Variants in SLC40A1 observed in about 807,000 individuals in gnomAD.
SLC40A1 encodes solute carrier family 40 member 1.
In SLC40A1, 16 loss-of-function variants were observed where a neutral mutation model predicts 53.5. That is an observed-to-expected ratio of 0.30 (90% CI 0.20 to 0.45). The LOEUF is 0.45. Ranked by LOEUF, SLC40A1 falls within the 20% of genes least tolerant of loss-of-function variation. The pLI is 1.00. For missense variants in SLC40A1, 545 were observed against 695.4 expected (o/e 0.78, Z 2.43); for synonymous variants, 247 against 253.2 (o/e 0.98, Z 0.23).
At position 189,563,992 on chromosome 2, in the gene SLC40A1, C is replaced by T. The variant is rs1405528868; in HGVS notation, c.994G>A (p.Ala332Thr). ...LGFDCITTGY[A>T]YTQGLSGSIL... Reference sequence around the variant, plus strand: ...GAACCACTCAGTCCCTGAGTGTAGGCGTACCCTGTGGTGATGCAGTCAAAG... The same window carrying T: ...GAACCACTCAGTCCCTGAGTGTAGGTGTACCCTGTGGTGATGCAGTCAAAG... Residue 332 changes from alanine to threonine, a missense_variant, in exon 7 of 8, where the codon GCC becomes ACC. Coordinates refer to ENST00000261024, the MANE Select transcript of SLC40A1 (RefSeq NM_014585.6). 3 of 1,614,010 alleles carry T rather than the reference C, an allele frequency of 1.9e-6. No homozygotes were observed. Among genetic ancestry groups the T allele is most frequent in the South Asian group, 1.1e-5 (1 of 91,070 alleles).
intron 6 of SLC40A1, among the ~76,000 whole-genome samples, chr2:189,564,656 T>C (rs933352820): frequency 9.2e-5 from 14 of 152,160 alleles, no homozygotes; most frequent in African/African-American, 2.6e-4. Flanking sequence ...CTGGCTAACA[T>C]GGTGAAACCC....
At position 189,560,598 on chromosome 2, in the gene SLC40A1, T is replaced by C. The variant is rs1281403314; in HGVS notation, c.*1280A>G. 3 of 152,534 alleles carry C rather than the reference T, an allele frequency of 2.0e-5. No homozygotes were observed. The highest frequency in any genetic ancestry group is 4.4e-5 in the Non-Finnish European group (3 of 68,024). 9.4% of individuals were successfully genotyped at this position (152,534 alleles called of 1,614,324 possible). On this transcript the variant is annotated 3_prime_UTR_variant, in exon 8 of 8. Transcript: ENST00000261024. ...ACAGAATTCAGGAAAAATTAAGATT[T>C]TCAAAATATTTTTATATAGAAATTT...
chr2:189,563,989 A>T lies in SLC40A1; in HGVS notation c.997T>A (p.Tyr333Asn). 1 of 1,614,082 alleles carries T rather than the reference A, an allele frequency of 6.2e-7. No homozygotes were observed. The highest frequency in any genetic ancestry group is 1.1e-5 in the South Asian group (1 of 91,072). The change falls in exon 7 of 8, where the codon TAC becomes AAC. Residue 333 changes from tyrosine to asparagine, a missense_variant. Coordinates refer to ENST00000261024, the MANE Select transcript of SLC40A1 (RefSeq NM_014585.6). ...GFDCITTGYA[Y>N]TQGLSGSILS... ...ATGGAACCACTCAGTCCCTGAGTGT[A>T]GGCGTACCCTGTGGTGATGCAGTCA...
In SLC40A1 at chr2:189,561,991, G is replaced by A. The variant is rs1559009488; in HGVS notation, c.1603C>T (p.His535Tyr). Reference sequence around the variant, plus strand: ...TGGGCAAATCGGAAATACATAATGTGGCCCATTGCCACAAAGGAGACTGAA... The same window carrying A: ...TGGGCAAATCGGAAATACATAATGTAGCCCATTGCCACAAAGGAGACTGAA... ...LISVSFVAMG[H>Y]IMYFRFAQNT... The change falls in exon 8 of 8, where the codon CAC becomes TAC. Residue 535 changes from histidine (H) to tyrosine (Y), a missense_variant. Coordinates refer to ENST00000261024, the MANE Select transcript of SLC40A1 (RefSeq NM_014585.6). The A allele has an allele frequency of 6.2e-7, 1 of 1,614,018 alleles. No individual in the cohort carries two copies. The highest frequency in any genetic ancestry group is 8.5e-7 in the Non-Finnish European group (1 of 1,179,940).
chr2:189,568,925 G>C (rs2031036519), intron 5 of SLC40A1, among the ~76,000 whole-genome samples: 1 of 152,162 alleles, frequency 6.6e-6, no homozygotes, highest in Non-Finnish European at 1.5e-5. Flanking sequence ...GCAATAGATG[G>C]AGTTAAAAAG....
chr2:189,573,136 G>C (rs1386538947), intron 3 of SLC40A1, among the ~76,000 whole-genome samples, 175 bp from the exon 4 acceptor site: 3 of 152,170 alleles, frequency 2.0e-5, no homozygotes, highest in Non-Finnish European at 4.4e-5. Context: ...ATACAACCCA[G>C]AGGATCACAC....
intron 3 of SLC40A1, 141 bp from the exon 4 acceptor site, chr2:189,573,102 T>A (rs577615411): frequency 2.8e-6 from 2 of 722,414 alleles, no homozygotes; most frequent in African/African-American, 3.5e-5. Flanking sequence ...CTTTCTGAAG[T>A]CAGTCCTGCC....
At chr2:189,577,788 AT>A (rs34223632) in intron 2 of SLC40A1, among the ~76,000 whole-genome samples, 4 of 149,894 alleles carry the variant, frequency 2.7e-5, no homozygotes, top group East Asian at 3.9e-4. Flanking sequence ...TAATTTTTAA[AT>A]TTTTTTTTGC....
rs140244052 is a variant in SLC40A1 at position 189,572,635 on chromosome 2, G to A, written c.387+211C>T. ...TTAGAAATGCCATTAGAAACCAATAGGACAAAATTTAAATTCAAACAATAC... is the reference window on the plus strand; with the variant it reads ...TTAGAAATGCCATTAGAAACCAATAAGACAAAATTTAAATTCAAACAATAC... On this transcript the variant is annotated intron_variant, in intron 4 of 7. Transcript: ENST00000261024. 464 of 597,540 alleles carry A rather than the reference G, an allele frequency of 7.8e-4. 8 individuals carry two copies. The East Asian group carries it at 0.012, about 15-fold the overall frequency. The allele number at this position is 597,540 out of a possible 1,614,324, so 37.0% of individuals were successfully genotyped here. A position where few individuals can be genotyped will look rare whatever the true frequency, so the allele number is the denominator to read the frequency against.
chr2:189,561,859 T>G lies in SLC40A1; in HGVS notation c.*19A>C, dbSNP rs372216215. 8.7e-6 allele frequency: 14 copies of G among 1,600,144 alleles called. No individual in the cohort carries two copies. The highest frequency in any genetic ancestry group is 1.7e-4 in the Middle Eastern group (1 of 6,046). On this transcript the variant is annotated 3_prime_UTR_variant, in exon 8 of 8. Transcript: ENST00000261024. ...TGCTCTATATAATCTAGTAACAGGATAGCAACAGTTAAACTGTCTCAAACA... is the reference window on the plus strand; with the variant it reads ...TGCTCTATATAATCTAGTAACAGGAGAGCAACAGTTAAACTGTCTCAAACA...
chr2:189,561,892 T>C lies in SLC40A1; in HGVS notation c.1702A>G (p.Thr568Ala). 1 of 1,613,270 alleles carries C rather than the reference T, an allele frequency of 6.2e-7. No homozygotes were observed. The highest frequency in any genetic ancestry group is 8.5e-7 in the Non-Finnish European group (1 of 1,179,208). Residue 568 changes from threonine (T) to alanine (A), a missense_variant, in exon 8 of 8, where the codon ACA (threonine) becomes GCA (alanine). Physicochemically the swap from Thr to Ala is moderately conservative, Grantham distance 58. This residue lies in a region of SLC40A1 where 234 missense variants were observed against 299.0 expected (regional missense o/e 0.78). Transcript: ENST00000261024. The stretch of plus-strand genomic sequence containing the variant: ...GTTAAACTGTCTCAAACAACAGATG[T>C]ATTTGCTTGATTTTCCTTCCTAACT... ...KEVRKENQAN[T>A]SVV
rs751071442 is a variant in SLC40A1, at chr2:189,576,277, T to C, written c.112-957A>G. Among the ~76,000 whole-genome samples, 27 of 152,294 alleles carry C rather than the reference T, an allele frequency of 1.8e-4. 1 individual carries two copies. The South Asian group carries it at 3.7e-3, about 21-fold the overall frequency. On this transcript the variant is annotated intron_variant, in intron 2 of 7. Coordinates refer to ENST00000261024, the MANE Select transcript of SLC40A1 (RefSeq NM_014585.6). ...ATAGGAAACCAAATTCCAGGCCTCA[T>C]AGATTTGACCCTACAGAAATACTTC...
chr2:189,562,138 C>T lies in SLC40A1; in HGVS notation c.1456G>A (p.Glu486Lys). ...CCATTTATAATGCCTCTTTCAGATT[C>T]AATTACATTTTCTTGCAGCAACTGT... ...VTQLLQENVI[E>K]SERGIINGVQ... Residue 486 changes from glutamate to lysine, a missense_variant, in exon 8 of 8, where the codon GAA (glutamate) becomes AAA (lysine). This residue lies in a region of SLC40A1 where 234 missense variants were observed against 299.0 expected (regional missense o/e 0.78). Coordinates refer to ENST00000261024, the MANE Select transcript of SLC40A1 (RefSeq NM_014585.6). The T allele has an allele frequency of 6.2e-7, 1 of 1,613,736 alleles. No individual in the cohort carries two copies. The highest frequency in any genetic ancestry group is 1.1e-5 in the South Asian group (1 of 91,018).
At position 189,580,435 on chromosome 2, in the gene SLC40A1, C is replaced by A; in HGVS notation, c.26G>T (p.Arg9Leu). Residue 9 changes from arginine (R) to leucine (L), a missense_variant, in exon 1 of 8, where the codon CGC becomes CTC. Physicochemically the swap from Arg to Leu is moderately radical, Grantham distance 102. Transcript: ENST00000261024. ...ACACTCACCACAGCATCCTCTCTGG[C>A]GGTTGTGATCTCCCGCCCTGGTCAT... MTRAGDHN[R>L]QRGCCGSLAD... 6.2e-7 allele frequency: 1 copy of A among 1,613,850 alleles called. No individual in the cohort carries two copies. The highest frequency in any genetic ancestry group is 8.5e-7 in the Non-Finnish European group (1 of 1,180,016).
chr2:189,576,467 C>CA (rs141994767), intron 2 of SLC40A1, among the ~76,000 whole-genome samples: 2 of 152,066 alleles, frequency 1.3e-5, no homozygotes, highest in Non-Finnish European at 2.9e-5. Context: ...CAATCATTTA[C>CA]AAAAAAACTT....
rs3833570 is a variant in SLC40A1 at position 189,580,769 on chromosome 2, T to TCCG, written c.-312_-310dup. The TCCG allele has an allele frequency of 0.58, 697,753 of 1,208,148 alleles. 199,239 individuals are homozygous for TCCG. Among genetic ancestry groups the TCCG allele is most frequent in the East Asian group, 0.68 (13,652 of 20,088 alleles). 74.8% of individuals were successfully genotyped at this position (1,208,148 alleles called of 1,614,324 possible). A position where few individuals can be genotyped will look rare whatever the true frequency, so the allele number is the denominator to read the frequency against. ...TAGCGGACGCCCTGAGCCAGCTCTC[T>TCCG]CCGCCGCCGCCGCCGCCGCCGTGGG... is the stretch of plus-strand genomic sequence containing the variant. On this transcript the variant is annotated 5_prime_UTR_variant, in exon 1 of 8. Transcript: ENST00000261024.
In SLC40A1 at chr2:189,562,144, C is replaced by G; in HGVS notation, c.1450G>C (p.Val484Leu). ...LTVTQLLQEN[V>L]IESERGIING... ...ATAATGCCTCTTTCAGATTCAATTA[C>G]ATTTTCTTGCAGCAACTGTGTCACA... Residue 484 changes from valine (V) to leucine (L), a missense_variant, in exon 8 of 8, where the codon GTA (valine) becomes CTA (leucine). Physicochemically the swap from Val to Leu is conservative, Grantham distance 32. Coordinates refer to ENST00000261024, the MANE Select transcript of SLC40A1 (RefSeq NM_014585.6). 1 of 1,613,804 alleles carries G rather than the reference C, an allele frequency of 6.2e-7. No individual in the cohort carries two copies. Among genetic ancestry groups the G allele is most frequent in the Non-Finnish European group, 8.5e-7 (1 of 1,179,780 alleles).
In SLC40A1 at chr2:189,575,172, G is replaced by A. The variant is rs772429685; in HGVS notation, c.260C>T (p.Ala87Val). The change falls in exon 3 of 8, where the codon GCT becomes GTT. Residue 87 changes from alanine (A) to valine (V), a missense_variant. Physicochemically the swap from Ala to Val is moderately conservative, Grantham distance 64. Around this residue, in one of 4 missense-constraint regions of SLC40A1, gnomAD observed 197 missense variants for 278.8 expected, o/e 0.71. Coordinates refer to ENST00000261024, the MANE Select transcript of SLC40A1 (RefSeq NM_014585.6). The stretch of plus-strand genomic sequence containing the variant: ...ATAACAACACTCACCTTTAAGTCTA[G>A]CATTCTTGTCCACCCAGTCACCGAT... ...AIIGDWVDKN[A>V]RLKVAQTSLV... The A allele has an allele frequency of 6.2e-7, 1 of 1,613,862 alleles. No individual in the cohort carries two copies. The highest frequency in any genetic ancestry group is 8.5e-7 in the Non-Finnish European group (1 of 1,179,928).
In SLC40A1 at chr2:189,580,400, T is replaced by C. The variant is rs1559016385; in HGVS notation, c.43+18A>G. On this transcript the variant is annotated intron_variant, in intron 1 of 7. Coordinates refer to ENST00000261024, the MANE Select transcript of SLC40A1 (RefSeq NM_014585.6). The stretch of plus-strand genomic sequence containing the variant: ...CCACCTGGGTTTCCACCATATGCTT[T>C]CGGTCAACGACACTCACCACAGCAT... 6.2e-7 allele frequency: 1 copy of C among 1,613,538 alleles called. No homozygotes were observed. Among genetic ancestry groups the C allele is most frequent in the Admixed American group, 1.7e-5 (1 of 60,026 alleles).
Sources: allele counts gnomAD v4.1 joint callset (sites outside exome capture counted in the v4.1 genomes callset), GRCh38; gene constraint gnomAD v4.1.1; regional missense constraint gnomAD v4.1.1; transcripts MANE v1.5; gene names NCBI Gene and HGNC (gene_info 2026-07-23, HGNC 2026-07-21).